The following PRKAR2A variants were observed in gnomAD, a reference collection of about 807,000 sequenced individuals.
PRKAR2A encodes the protein protein kinase cAMP-dependent type II regulatory subunit alpha.
A neutral mutation model predicts 51.9 loss-of-function variants in PRKAR2A; 29 were observed. The ratio of observed to expected loss-of-function variants is 0.56; its 90% confidence interval spans 0.42 to 0.76. The LOEUF is 0.76. Ranked by LOEUF, PRKAR2A falls within the 30% of genes least tolerant of loss-of-function variation. PRKAR2A has a pLI of 0.00. For missense variants in PRKAR2A, 445 were observed against 512.1 expected, an observed-to-expected ratio of 0.87 and a Z score of 1.26; for synonymous variants, 178 against 186.2, an observed-to-expected ratio of 0.96 and a Z score of 0.36.
intron 6 of PRKAR2A, among the ~76,000 whole-genome samples, chr3:48,770,025 C>T (rs1052197398): frequency 1.3e-5 from 2 of 152,176 alleles, no homozygotes; most frequent in Non-Finnish European, 2.9e-5. Context: ...ATTTGCCCAC[C>T]GTGGCCTCCC....
intron 1 of PRKAR2A, among the ~76,000 whole-genome samples, chr3:48,841,941 A>G (rs1478920722): frequency 1.3e-5 from 2 of 152,224 alleles, no homozygotes; most frequent in Non-Finnish European, 2.9e-5. Flanking sequence ...AAAGGTATCA[A>G]AGATGACAAA....
At chr3:48,752,151 T>C (rs1380318098) in intron 10 of PRKAR2A, 25 bp downstream of exon 10, 1 of 1,594,824 alleles carries the variant, frequency 6.3e-7, no homozygotes, top group Non-Finnish European at 8.5e-7. Context: ...AAAAAGAATA[T>C]TAATGCATAA....
In PRKAR2A at chr3:48,752,461, G is replaced by C. The variant is rs2081666604; in HGVS notation, c.940-144C>G. 14 of 900,710 alleles carry C rather than the reference G, an allele frequency of 1.6e-5. No individual in the cohort carries two copies. In the South Asian group the frequency reaches 2.6e-4, roughly 17 times the overall value. 55.8% of individuals were successfully genotyped at this position (900,710 alleles called of 1,614,324 possible). On this transcript the variant is annotated intron_variant, in intron 9 of 10. Coordinates refer to ENST00000265563, the MANE Select transcript of PRKAR2A (RefSeq NM_004157.4). ...GCAGAAAATTCACTAACTGTACCAT[G>C]TAAACTCCATGGACTAATCTCAGTG...
At chr3:48,783,583 GT>G (rs200560127) in intron 4 of PRKAR2A, among the ~76,000 whole-genome samples, 1 of 151,242 alleles carries the variant, frequency 6.6e-6, no homozygotes, top group African/African-American at 2.4e-5. Context: ...TATCTTGTTT[GT>G]TTTTTTTTGT....
At chr3:48,825,321 T>C (rs1168560313) in intron 1 of PRKAR2A, among the ~76,000 whole-genome samples, 2 of 152,106 alleles carry the variant, frequency 1.3e-5, no homozygotes, top group African/African-American at 4.8e-5. Context: ...ATTTTCTTTT[T>C]CTAAGAAACA....
intron 3 of PRKAR2A, among the ~76,000 whole-genome samples, chr3:48,792,825 A>T (rs1194495023): frequency 6.6e-6 from 1 of 151,862 alleles, no homozygotes; most frequent in Non-Finnish European, 1.5e-5. Flanking sequence ...TTATGTTGGG[A>T]GGCTGAGGCA....
intron 5 of PRKAR2A, among the ~76,000 whole-genome samples, chr3:48,778,970 C>T (rs566371009): frequency 2.0e-4 from 30 of 151,982 alleles, no homozygotes; most frequent in Non-Finnish European, 3.4e-4. Flanking sequence ...GGATTAAAGG[C>T]GCCCACCACC....
rs2081623362 is a variant in PRKAR2A at position 48,750,146 on chromosome 3, CT to C, written c.*1438del. 1 of 151,990 alleles carries C rather than the reference CT, an allele frequency of 6.6e-6. No homozygotes were observed. Among genetic ancestry groups the C allele is most frequent in the African/African-American group, 2.4e-5 (1 of 41,370 alleles). 9.4% of individuals were successfully genotyped at this position (151,990 alleles called of 1,614,324 possible). A position where few individuals can be genotyped will look rare whatever the true frequency, so the allele number is the denominator to read the frequency against. ...TGAGAGGCTGAGGTGGGCGGATCAC[CT>C]GAGGTTGGGAGTTTGAGACCAGCCT... On this transcript the variant is annotated 3_prime_UTR_variant, in exon 11 of 11. Transcript: ENST00000265563.
At chr3:48,762,769 A>G (rs1459463837) in intron 8 of PRKAR2A, among the ~76,000 whole-genome samples, 2 of 152,164 alleles carry the variant, frequency 1.3e-5, no homozygotes, top group Non-Finnish European at 2.9e-5. Context: ...CTCAAAAAGA[A>G]AAAAAAATTA....
chr3:48,794,854 G>GTTA (rs2107323734), intron 2 of PRKAR2A, among the ~76,000 whole-genome samples: 1 of 152,206 alleles, frequency 6.6e-6, no homozygotes, highest in East Asian at 1.9e-4. Flanking sequence ...ACTTTTACTG[G>GTTA]TTAATTTTTC....
intron 1 of PRKAR2A, among the ~76,000 whole-genome samples, chr3:48,821,222 A>G (rs2082954605): frequency 6.6e-6 from 1 of 152,160 alleles, no homozygotes; most frequent in Admixed American, 6.6e-5. Flanking sequence ...GACACAGAGC[A>G]CTACTTACCC....
At chr3:48,832,898 A>C (rs2083214987) in intron 1 of PRKAR2A, among the ~76,000 whole-genome samples, 1 of 152,154 alleles carries the variant, frequency 6.6e-6, no homozygotes, top group Non-Finnish European at 1.5e-5. Flanking sequence ...CTGTGTGCCA[A>C]AGACAATGAA....
At chr3:48,756,351 A>G (rs756343602) in intron 9 of PRKAR2A, 28 bp downstream of exon 9, 1 of 1,575,852 alleles carries the variant, frequency 6.3e-7, no homozygotes, top group African/African-American at 1.3e-5. Context: ...TTGTGTGTAC[A>G]CCATCACATA....
At chr3:48,793,722 C>G (rs1401495342) in intron 3 of PRKAR2A, among the ~76,000 whole-genome samples, 1 of 151,402 alleles carries the variant, frequency 6.6e-6, no homozygotes, top group African/African-American at 2.4e-5. Context: ...GAACTCCTGG[C>G]CTCAAGCAAT....
chr3:48,765,268 G>A lies in PRKAR2A; in HGVS notation c.778C>T (p.Pro260Ser), dbSNP rs1229929940. ...TTTACCTCTAGTGATTTAAGGAGGGGCACAGACTCAATAAATGATTCAAAC... is the reference window on the plus strand; with the variant it reads ...TTTACCTCTAGTGATTTAAGGAGGGACACAGACTCAATAAATGATTCAAAC... ...KMFESFIESVPLLKSLEVSER... is the reference protein window; with the variant it reads ...KMFESFIESVSLLKSLEVSER... The change falls in exon 7 of 11, where the codon CCC becomes TCC. Residue 260 changes from proline (P) to serine (S), a missense_variant. Pro to Ser is a moderately conservative substitution (Grantham distance 74). Coordinates refer to ENST00000265563, the MANE Select transcript of PRKAR2A (RefSeq NM_004157.4). 1 of 1,611,218 alleles carries A rather than the reference G, an allele frequency of 6.2e-7. No individual in the cohort carries two copies.
At chr3:48,804,805 T>C (rs924938022) in intron 2 of PRKAR2A, among the ~76,000 whole-genome samples, 106 of 152,078 alleles carry the variant, frequency 7.0e-4, no homozygotes, top group African/African-American at 2.4e-3. Flanking sequence ...AGGCCAGACA[T>C]TGGAAGAATC....
intron 1 of PRKAR2A, among the ~76,000 whole-genome samples, chr3:48,811,834 T>A (rs2082776058): frequency 6.6e-6 from 1 of 151,886 alleles, no homozygotes; most frequent in African/African-American, 2.4e-5. Context: ...AAAAAAGGCA[T>A]TATGCAAAGT....
intron 5 of PRKAR2A, among the ~76,000 whole-genome samples, chr3:48,780,374 C>A (rs1452314659): frequency 6.6e-6 from 1 of 151,628 alleles, no homozygotes; most frequent in South Asian, 2.1e-4. Context: ...GAGGCTGAGG[C>A]GGGCAGATCA....
intron 9 of PRKAR2A, among the ~76,000 whole-genome samples, chr3:48,753,193 A>G (rs1399268527): frequency 1.3e-5 from 2 of 151,414 alleles, no homozygotes; most frequent in Non-Finnish European, 2.9e-5. Context: ...TCGGCCTCTC[A>G]AAGTGCTGGG....
Sources: allele counts gnomAD v4.1 joint callset (sites outside exome capture counted in the v4.1 genomes callset), GRCh38; gene constraint gnomAD v4.1.1; transcripts MANE v1.5; gene names NCBI Gene and HGNC (gene_info 2026-07-23, HGNC 2026-07-21).